The following CYP20A1 variants were observed in gnomAD, a reference collection of about 807,000 sequenced individuals.
CYP20A1 encodes cytochrome P450 family 20 subfamily A member 1, also known as cytochrome P450 20A1.
CYP20A1 carries 61 observed loss-of-function variants against 61.4 expected under a neutral mutation model. That is an observed-to-expected ratio of 0.99 (90% confidence interval 0.81 to 1.23). The LOEUF (loss-of-function observed/expected upper bound fraction) is 1.23. Ranked by LOEUF, CYP20A1 falls within the 50% of genes most tolerant of loss-of-function variation. CYP20A1 has a pLI of 0.00. For missense variants in CYP20A1, 530 were observed against 542.4 expected, an observed-to-expected ratio of 0.98 and a Z score of 0.23; for synonymous variants, 193 against 188.2, an observed-to-expected ratio of 1.03 and a Z score of -0.21.
Position 203,287,714 on chromosome 2 carries a change from T to A in CYP20A1, c.971+1982T>A, listed in dbSNP as rs1175158433. ...CAAGAACCTATCTCTTAAAAATAAG[T>A]AAATAAATAATTTTTAAAAGTTTAA... On this transcript the variant is annotated intron_variant, in intron 9 of 12. Coordinates refer to ENST00000356079, the MANE Select transcript of CYP20A1 (RefSeq NM_177538.3). 5.9e-5 allele frequency among the ~76,000 whole-genome samples: 9 copies of A among 152,166 alleles called. No homozygotes were observed. In the East Asian group the frequency reaches 1.5e-3, roughly 26 times the overall value.
rs191390995 is a variant in CYP20A1, at chr2:203,269,534, G to A, written c.600+2853G>A. 2.2e-4 allele frequency among the ~76,000 whole-genome samples: 32 copies of A among 143,996 alleles called. No individual in the cohort carries two copies. The East Asian group carries it at 5.7e-3, about 26-fold the overall frequency. 94.5% of individuals were successfully genotyped at this position (143,996 alleles called of 152,430 possible). A position where few individuals can be genotyped will look rare whatever the true frequency, so the allele number is the denominator to read the frequency against. On this transcript the variant is annotated intron_variant, in intron 5 of 12. Transcript: ENST00000356079. Reference sequence around the variant, plus strand: ...TTTGAGACGGAGTTTCGCTCTTATCGCACAGGCTAGAATGCAGTGGTGCAA... The same window carrying A: ...TTTGAGACGGAGTTTCGCTCTTATCACACAGGCTAGAATGCAGTGGTGCAA...
At chr2:203,283,361 C>T (rs1451857512) in intron 8 of CYP20A1, among the ~76,000 whole-genome samples, 3 of 150,134 alleles carry the variant, frequency 2.0e-5, no homozygotes, top group Admixed American at 1.3e-4. Context: ...GGACTACAGG[C>T]GCCCACTACC....
rs763764173 is a variant in CYP20A1, at chr2:203,301,914, C to CTTTTTTTTTTTTTTTT, written c.*5013_*5028dup. ...TTTGAAGTTAACCACTGTTAAGATT[C>CTTTTTTTTTTTTTTTT]TTTTTTTTTTTTTTTTTTTTTTGTT... On this transcript the variant is annotated 3_prime_UTR_variant, in exon 13 of 13. Transcript: ENST00000356079. 4.8e-5 allele frequency among the ~76,000 whole-genome samples: 5 copies of CTTTTTTTTTTTTTTTT among 103,550 alleles called. No individual in the cohort carries two copies. The highest frequency in any genetic ancestry group is 7.5e-5 in the African/African-American group (2 of 26,716). 67.9% of individuals were successfully genotyped at this position (103,550 alleles called of 152,430 possible).
At position 203,261,124 on chromosome 2, in the gene CYP20A1, T is replaced by C. The variant is rs566729030; in HGVS notation, c.433-5390T>C. ...TGGCTCACATCTGTAATCCCAGCAC[T>C]GTGGGAGGCCAAGGTGGGAGGATTG... On this transcript the variant is annotated intron_variant, in intron 4 of 12. Coordinates refer to ENST00000356079, the MANE Select transcript of CYP20A1 (RefSeq NM_177538.3). Among the ~76,000 whole-genome samples the C allele has an allele frequency of 7.4e-4, 113 of 152,106 alleles. 2 individuals are homozygous for C. The highest frequency in any genetic ancestry group is 7.1e-4 in the Non-Finnish European group (48 of 67,998).
chr2:203,258,407 A>G (rs1190598464), intron 4 of CYP20A1, among the ~76,000 whole-genome samples: 1 of 135,456 alleles, frequency 7.4e-6, no homozygotes, highest in Non-Finnish European at 1.6e-5. Flanking sequence ...AAAAAAAAAA[A>G]ACGGTTAGTA....
At chr2:203,261,557 A>G (rs1397911093) in intron 4 of CYP20A1, among the ~76,000 whole-genome samples, 1 of 127,498 alleles carries the variant, frequency 7.8e-6, no homozygotes, top group South Asian at 3.1e-4. Context: ...GTGCAGTGGC[A>G]TGATCACTGC....
intron 11 of CYP20A1, among the ~76,000 whole-genome samples, chr2:203,294,938 A>G (rs1363889167): frequency 2.2e-5 from 1 of 45,486 alleles, no homozygotes; most frequent in East Asian, 6.2e-4. Context: ...AGCCTTTAAA[A>G]AAATTTTTTT....
intron 1 of CYP20A1, among the ~76,000 whole-genome samples, chr2:203,240,339 A>G (rs1231388751): frequency 6.6e-6 from 1 of 152,220 alleles, no homozygotes; most frequent in Admixed American, 6.5e-5. Flanking sequence ...TGATTTTAAA[A>G]TGATACTCTT....
chr2:203,247,247 C>T (rs986148520), intron 3 of CYP20A1, among the ~76,000 whole-genome samples: 11 of 151,068 alleles, frequency 7.3e-5, no homozygotes, highest in African/African-American at 2.2e-4. Context: ...GGCGACAGAG[C>T]GAGACTGTCT....
rs1456240359 is a variant in CYP20A1 at position 203,304,793 on chromosome 2, A to C, written c.*7885A>C. Among the ~76,000 whole-genome samples the C allele has an allele frequency of 6.6e-6, 1 of 152,122 alleles. No homozygotes were observed. Among genetic ancestry groups the C allele is most frequent in the Non-Finnish European group, 1.5e-5 (1 of 68,024 alleles). On this transcript the variant is annotated 3_prime_UTR_variant, in exon 13 of 13. Coordinates refer to ENST00000356079, the MANE Select transcript of CYP20A1 (RefSeq NM_177538.3). ...TCTACAAAAAATACAAAAATTAGCC[A>C]GGTGTGCTGGCGCACACCTGTAGTC...
At chr2:203,245,957 A>C (rs1334324821) in intron 2 of CYP20A1, 62 bp downstream of exon 2, 2 of 1,142,996 alleles carry the variant, frequency 1.7e-6, no homozygotes, top group Admixed American at 2.1e-5. Context: ...ATCAAGACTA[A>C]ACCATATTTT....
chr2:203,266,663 C>A lies in CYP20A1; in HGVS notation c.582C>A (p.Phe194Leu). The part of the protein sequence containing the change: ...TFEDDQEVIR[F>L]QKNHGTVWSE... ...AAGATGATCAGGAAGTCATTCGCTT[C>A]CAGAAGAATCATGGCACAGTAAGTC... Residue 194 changes from phenylalanine (F) to leucine (L), a missense_variant, in exon 5 of 13, where the codon TTC (phenylalanine) becomes TTA (leucine). Phe to Leu is a conservative substitution (Grantham distance 22). Coordinates refer to ENST00000356079, the MANE Select transcript of CYP20A1 (RefSeq NM_177538.3). 6.2e-7 allele frequency: 1 copy of A among 1,613,874 alleles called. No homozygotes were observed. Among genetic ancestry groups the A allele is most frequent in the Non-Finnish European group, 8.5e-7 (1 of 1,179,858 alleles).
intron 1 of CYP20A1, among the ~76,000 whole-genome samples, chr2:203,242,940 G>A (rs1412608649): frequency 6.6e-6 from 1 of 152,094 alleles, no homozygotes. Flanking sequence ...TTCCGCCCCT[G>A]AACCCACACA....
Position 203,305,542 on chromosome 2 carries a change from G to GTATGTGATAAATAGATCTTGTTATAT in CYP20A1, c.*8659_*8660insTTATGTGATAAATAGATCTTGTTATA, listed in dbSNP as rs2069184617. On this transcript the variant is annotated 3_prime_UTR_variant, in exon 13 of 13. Coordinates refer to ENST00000356079, the MANE Select transcript of CYP20A1 (RefSeq NM_177538.3). ...GATACTGGGAATAGATCTTGTTATAGTATGTGATAAATAGATCTTGTTATA... is the reference window on the plus strand; with the variant it reads ...GATACTGGGAATAGATCTTGTTATAGTATGTGATAAATAGATCTTGTTATATTATGTGATAAATAGATCTTGTTATA... 1 of 152,022 alleles carries GTATGTGATAAATAGATCTTGTTATAT rather than the reference G, an allele frequency of 6.6e-6. No homozygotes were observed. Among genetic ancestry groups the GTATGTGATAAATAGATCTTGTTATAT allele is most frequent in the Non-Finnish European group, 1.5e-5 (1 of 68,016 alleles). 9.4% of individuals were successfully genotyped at this position (152,022 alleles called of 1,614,324 possible).
At chr2:203,239,354 C>A (rs1202649378) in intron 1 of CYP20A1, among the ~76,000 whole-genome samples, 3 of 152,194 alleles carry the variant, frequency 2.0e-5, no homozygotes, top group Non-Finnish European at 4.4e-5. Context: ...ACCCCTCAGG[C>A]GCCGGGCCAG....
intron 6 of CYP20A1, among the ~76,000 whole-genome samples, chr2:203,276,673 ATG>A (rs1359701851): frequency 6.6e-6 from 1 of 152,180 alleles, no homozygotes; most frequent in Non-Finnish European, 1.5e-5. Flanking sequence ...GGGGAAGACT[ATG>A]GGAAGATCCA....
intron 9 of CYP20A1, among the ~76,000 whole-genome samples, chr2:203,286,739 G>A (rs1451665401): frequency 6.6e-6 from 1 of 152,190 alleles, no homozygotes; most frequent in African/African-American, 2.4e-5. Context: ...ACTTGTGGTT[G>A]TAGTTACGCA....
intron 8 of CYP20A1, among the ~76,000 whole-genome samples, chr2:203,281,273 G>A (rs1354804512): frequency 6.6e-6 from 1 of 152,110 alleles, no homozygotes; most frequent in African/African-American, 2.4e-5. Context: ...CTGGGAGGCC[G>A]AGGTGGATGA....
intron 1 of CYP20A1, 70 bp downstream of exon 1, chr2:203,239,204 A>G (rs1312275262): frequency 1.5e-6 from 2 of 1,342,720 alleles, no homozygotes; most frequent in Admixed American, 1.7e-5. Context: ...CATCCAGGCC[A>G]ACCTGCCCGC....
Sources: allele counts gnomAD v4.1 joint callset (sites outside exome capture counted in the v4.1 genomes callset), GRCh38; gene constraint gnomAD v4.1.1; transcripts MANE v1.5; gene names NCBI Gene and HGNC (gene_info 2026-07-23, HGNC 2026-07-21).